Variants in ZPBP observed in about 807,000 individuals in gnomAD.
The protein encoded by ZPBP is zona pellucida binding protein, also known as zona pellucida-binding protein 1.
Under a neutral mutation model 44.8 loss-of-function variants are expected in ZPBP, and 26 were observed. That is an observed-to-expected ratio of 0.58 (90% CI 0.43 to 0.81). The LOEUF is 0.81. ZPBP is among the 30% of genes least tolerant of loss of function. The pLI is 0.00. For missense variants in ZPBP, 409 were observed against 434.0 expected (o/e 0.94, Z 0.51); for synonymous variants, 174 against 153.2 (o/e 1.14, Z -1.00).
intron 2 of ZPBP, among the ~76,000 whole-genome samples, chr7:49,852,407 C>T (rs567293999): frequency 1.2e-4 from 19 of 152,232 alleles, no homozygotes; most frequent in Non-Finnish European, 2.5e-4. Flanking sequence ...ATCTCCTTAA[C>T]AAGGTGACCG....
At chr7:49,898,617 C>A (rs1025042833) in intron 2 of ZPBP, among the ~76,000 whole-genome samples, 4 of 151,676 alleles carry the variant, frequency 2.6e-5, no homozygotes, top group East Asian at 1.9e-4. Flanking sequence ...ACACACATAC[C>A]CATATATGTA....
At chr7:50,038,742 C>A (rs1041625981) in intron 4 of ZPBP, among the ~76,000 whole-genome samples, 1 of 152,116 alleles carries the variant, frequency 6.6e-6, no homozygotes, top group Non-Finnish European at 1.5e-5. Flanking sequence ...GATGATAATA[C>A]CTTATTTTTA....
intron 2 of ZPBP, among the ~76,000 whole-genome samples, chr7:49,860,740 G>A (rs1266949345): frequency 6.6e-6 from 1 of 152,178 alleles, no homozygotes; most frequent in African/African-American, 2.4e-5. Context: ...AGTCATTAAA[G>A]ATGTAATTAA....
At chr7:49,930,465 C>T (rs1478269714) in intron 1 of ZPBP, among the ~76,000 whole-genome samples, 1 of 152,094 alleles carries the variant, frequency 6.6e-6, no homozygotes, top group African/African-American at 2.4e-5. Flanking sequence ...TAAATAACTA[C>T]CATCAGCAAC....
intron 4 of ZPBP, among the ~76,000 whole-genome samples, chr7:50,031,594 C>T (rs912023439): frequency 3.3e-5 from 5 of 152,048 alleles, no homozygotes; most frequent in Admixed American, 6.6e-5. Flanking sequence ...TGTCACATGT[C>T]CAATGCCTAT....
intron 2 of ZPBP, among the ~76,000 whole-genome samples, chr7:49,854,803 T>G (rs1790348231): frequency 6.6e-6 from 1 of 152,250 alleles, no homozygotes; most frequent in South Asian, 2.1e-4. Context: ...CCACACATTT[T>G]ACTAAATGCT....
intron 3 of ZPBP, 73 bp downstream of exon 3, chr7:50,081,701 A>T: frequency 6.5e-7 from 1 of 1,546,128 alleles, no homozygotes; most frequent in Non-Finnish European, 8.9e-7. Context: ...TGTATGAGAT[A>T]CAAACATTCT....
chr7:50,068,207 C>T (rs150004408), intron 3 of ZPBP, among the ~76,000 whole-genome samples: 466 of 152,192 alleles, frequency 3.1e-3, no homozygotes, highest in African/African-American at 0.01. Flanking sequence ...CCTTGCTGCC[C>T]TTAGGGACTC....
At chr7:49,972,550 G>A (rs1042440136) in intron 7 of ZPBP, among the ~76,000 whole-genome samples, 2 of 152,016 alleles carry the variant, frequency 1.3e-5, no homozygotes, top group Non-Finnish European at 2.9e-5. Context: ...CTTGTACACT[G>A]AAATCTATAA....
intron 4 of ZPBP, among the ~76,000 whole-genome samples, chr7:50,039,302 G>C (rs1298420310): frequency 6.6e-6 from 1 of 152,126 alleles, no homozygotes; most frequent in Non-Finnish European, 1.5e-5. Flanking sequence ...TTCAAGAGTA[G>C]ATTTAAACTG....
chr7:49,985,529 T>C (rs1335036586), intron 6 of ZPBP, among the ~76,000 whole-genome samples: 2 of 151,968 alleles, frequency 1.3e-5, no homozygotes, highest in Non-Finnish European at 2.9e-5. Context: ...ATATGTGTTA[T>C]GAAATTAATT....
chr7:50,003,013 A>G (rs1175153924), intron 6 of ZPBP, among the ~76,000 whole-genome samples: 1 of 152,210 alleles, frequency 6.6e-6, no homozygotes, highest in Admixed American at 6.5e-5. Flanking sequence ...CAAAGCTAAA[A>G]CAGAAATTAT....
At chr7:49,956,030 C>G (rs1279570523) in intron 7 of ZPBP, among the ~76,000 whole-genome samples, 1 of 152,124 alleles carries the variant, frequency 6.6e-6, no homozygotes, top group Non-Finnish European at 1.5e-5. Context: ...AATATCCAGC[C>G]ATCCTATTGA....
At chr7:49,915,572 G>A (rs1399430904) in intron 1 of ZPBP, 1 of 152,024 alleles carries the variant, frequency 6.6e-6, no homozygotes, top group African/African-American at 2.4e-5. Flanking sequence ...GCAGTGAAAT[G>A]GGTTTTTAAA....
chr7:49,846,217 CAA>C (rs533540837), downstream of ZPBP, among the ~76,000 whole-genome samples: 176 of 152,320 alleles, frequency 1.2e-3, no homozygotes, highest in African/African-American at 4.2e-3. Flanking sequence ...CCATTTGGTG[CAA>C]AGAGTCGCCC....
chr7:50,012,854 C>G (rs1306133391), intron 6 of ZPBP, among the ~76,000 whole-genome samples: 1 of 151,686 alleles, frequency 6.6e-6, no homozygotes, highest in East Asian at 1.9e-4. Flanking sequence ...AACACTGTCT[C>G]TATTTGCAGA....
intron 4 of ZPBP, among the ~76,000 whole-genome samples, chr7:50,047,151 G>C (rs1241462857): frequency 6.6e-6 from 1 of 152,032 alleles, no homozygotes; most frequent in Admixed American, 6.6e-5. Context: ...GTTGGGTGGT[G>C]GGGGAGCTAG....
intron 1 of ZPBP, among the ~76,000 whole-genome samples, chr7:49,924,401 TTACTC>T (rs1374694074): frequency 1.3e-5 from 2 of 152,122 alleles, no homozygotes; most frequent in Non-Finnish European, 2.9e-5. Context: ...AACATTGACT[TTACTC>T]TGAGCTATAA....
chr7:50,052,473 G>A (rs908069439), intron 4 of ZPBP, among the ~76,000 whole-genome samples: 4 of 152,176 alleles, frequency 2.6e-5, no homozygotes, highest in African/African-American at 9.7e-5. Context: ...GAGACATGGA[G>A]TAACTGGACT....
Sources: allele counts gnomAD v4.1 joint callset (sites outside exome capture counted in the v4.1 genomes callset), GRCh38; gene constraint gnomAD v4.1.1; transcripts MANE v1.5; gene names NCBI Gene and HGNC (gene_info 2026-07-23, HGNC 2026-07-21).